Variants in NRXN3 observed in about 807,000 individuals in gnomAD.
NRXN3 encodes the protein neurexin III.
In NRXN3, 32 loss-of-function variants were observed where a neutral mutation model predicts 137.6. That is an observed-to-expected ratio of 0.23 (90% confidence interval 0.18 to 0.31). The LOEUF (loss-of-function observed/expected upper bound fraction) is 0.31, where lower values mean the gene tolerates loss of function less well. NRXN3 is among the 10% of genes least tolerant of loss of function. The pLI, the probability that NRXN3 is intolerant of heterozygous loss-of-function variation, is 1.00. For missense variants in NRXN3, 1,574 were observed against 2,062.5 expected (o/e 0.76, Z 4.59); for synonymous variants, 798 against 784.5 (o/e 1.02, Z -0.29).
At chr14:79,658,679 C>A (rs554865776) in intron 16 of NRXN3, among the ~76,000 whole-genome samples, 1 of 152,238 alleles carries the variant, frequency 6.6e-6, no homozygotes, top group Non-Finnish European at 1.5e-5. Context: ...TACTAGGAAC[C>A]AGACTTTGAA....
chr14:78,822,607 G>A (rs1199067293), intron 10 of NRXN3, among the ~76,000 whole-genome samples: 1 of 151,730 alleles, frequency 6.6e-6, no homozygotes, highest in Non-Finnish European at 1.5e-5. Flanking sequence ...CCTGGGAGGT[G>A]GAGGTTACAG....
chr14:79,304,585 A>T (rs189263178), intron 15 of NRXN3, among the ~76,000 whole-genome samples: 158 of 152,194 alleles, frequency 1.0e-3, no homozygotes, highest in African/African-American at 3.7e-3. Flanking sequence ...AAAATATTTG[A>T]TTGATTACAG....
At chr14:78,476,466 G>C (rs1332799263) in intron 4 of NRXN3, among the ~76,000 whole-genome samples, 1 of 152,186 alleles carries the variant, frequency 6.6e-6, no homozygotes, top group Non-Finnish European at 1.5e-5. Context: ...GCAGATCTAG[G>C]AATAGAAAGG....
chr14:78,996,574 G>T (rs115174175), intron 15 of NRXN3, among the ~76,000 whole-genome samples: 23 of 152,210 alleles, frequency 1.5e-4, no homozygotes, highest in African/African-American at 5.5e-4. Flanking sequence ...CTTTTGGGGG[G>T]GATGCTATTT....
intron 16 of NRXN3, among the ~76,000 whole-genome samples, chr14:79,494,517 G>A (rs369019972): frequency 2.6e-5 from 4 of 152,238 alleles, no homozygotes; most frequent in East Asian, 3.9e-4. Context: ...TGCATGAAAC[G>A]TCATTAAGAT....
intron 16 of NRXN3, among the ~76,000 whole-genome samples, chr14:79,589,377 T>A (rs1363648652): frequency 1.3e-5 from 2 of 152,126 alleles, no homozygotes; most frequent in African/African-American, 4.8e-5. Flanking sequence ...TTTCTGTACT[T>A]AGTAATAGCT....
At chr14:79,442,400 A>G (rs2095979523) in intron 15 of NRXN3, among the ~76,000 whole-genome samples, 1 of 152,194 alleles carries the variant, frequency 6.6e-6, no homozygotes, top group Admixed American at 6.5e-5. Context: ...TGCTTCTACC[A>G]GGGCTCATAA....
intron 4 of NRXN3, among the ~76,000 whole-genome samples, chr14:78,460,716 G>T (rs1244318168): frequency 6.6e-6 from 1 of 152,200 alleles, no homozygotes; most frequent in Non-Finnish European, 1.5e-5. Flanking sequence ...AAAGGTTCAT[G>T]GATTAGGTCT....
chr14:78,918,660 A>G (rs868412320), intron 10 of NRXN3, among the ~76,000 whole-genome samples: 3 of 152,328 alleles, frequency 2.0e-5, no homozygotes, highest in Middle Eastern at 6.8e-3. Flanking sequence ...TTTTCTACTT[A>G]GGAACTCAGT....
chr14:78,843,955 C>T (rs1304536565), intron 10 of NRXN3, among the ~76,000 whole-genome samples: 1 of 152,042 alleles, frequency 6.6e-6, no homozygotes, highest in African/African-American at 2.4e-5. Context: ...CATGGTGCAT[C>T]TGTTTCCTGT....
intron 4 of NRXN3, among the ~76,000 whole-genome samples, chr14:78,636,546 C>T (rs1206837645): frequency 6.6e-6 from 1 of 152,066 alleles, no homozygotes; most frequent in Non-Finnish European, 1.5e-5. Flanking sequence ...AAAATGATCT[C>T]TTCTGGGGAA....
chr14:79,101,175 G>A (rs1025269068), intron 15 of NRXN3, among the ~76,000 whole-genome samples: 48 of 152,164 alleles, frequency 3.2e-4, no homozygotes, highest in Non-Finnish European at 5.4e-4. Context: ...CAGGAGCCAT[G>A]TCGAAAAGGA....
At chr14:79,007,366 T>C (rs552605915) in intron 15 of NRXN3, among the ~76,000 whole-genome samples, 92 of 152,046 alleles carry the variant, frequency 6.1e-4, no homozygotes, top group African/African-American at 2.2e-3. Flanking sequence ...CAACTTTTAG[T>C]ATTGAAGAGA....
chr14:78,400,038 G>GT (rs2091902278), intron 4 of NRXN3, among the ~76,000 whole-genome samples: 1 of 152,156 alleles, frequency 6.6e-6, no homozygotes, highest in African/African-American at 2.4e-5. Flanking sequence ...TAATTGACCA[G>GT]TCTGTGTTTT....
chr14:79,697,094 T>C (rs2098738311), intron 18 of NRXN3, among the ~76,000 whole-genome samples: 1 of 152,020 alleles, frequency 6.6e-6, no homozygotes, highest in African/African-American at 2.4e-5. Context: ...GTAGTTCATT[T>C]TTACAAGTAT....
At chr14:78,846,873 C>A (rs751434275) in intron 10 of NRXN3, among the ~76,000 whole-genome samples, 14 of 152,100 alleles carry the variant, frequency 9.2e-5, no homozygotes, top group Non-Finnish European at 1.3e-4. Context: ...TCAATTTTAT[C>A]TCAGTGAAAC....
At chr14:79,407,164 A>G (rs552184850) in intron 15 of NRXN3, among the ~76,000 whole-genome samples, 1 of 152,246 alleles carries the variant, frequency 6.6e-6, no homozygotes, top group Non-Finnish European at 1.5e-5. Flanking sequence ...TTCAATCCAG[A>G]CACAAAAAAA....
chr14:79,420,900 A>C (rs1489255816), intron 15 of NRXN3, among the ~76,000 whole-genome samples: 5 of 152,086 alleles, frequency 3.3e-5, no homozygotes, highest in African/African-American at 1.2e-4. Context: ...TTAGGAGAAA[A>C]AGGAGGTGTT....
At chr14:78,215,225 A>G (rs2063137208) in intron 1 of NRXN3, among the ~76,000 whole-genome samples, 1 of 152,216 alleles carries the variant, frequency 6.6e-6, no homozygotes, top group South Asian at 2.1e-4. Flanking sequence ...CTGACCCTGT[A>G]GATGAGATCT....
Sources: allele counts gnomAD v4.1 joint callset (sites outside exome capture counted in the v4.1 genomes callset), GRCh38; gene constraint gnomAD v4.1.1; transcripts MANE v1.5; gene names NCBI Gene and HGNC (gene_info 2026-07-23, HGNC 2026-07-21).